The following SLC41A2 variants were observed in gnomAD, a reference collection of about 807,000 sequenced individuals.
The protein encoded by SLC41A2 is solute carrier family 41 member 2, also known as SLC41A1-like 1.
A neutral mutation model predicts 58.3 loss-of-function variants in SLC41A2; 32 were observed. The ratio of observed to expected loss-of-function variants is 0.55; its 90% confidence interval spans 0.41 to 0.74. SLC41A2 has a LOEUF of 0.74. Among genes scored for constraint, SLC41A2 ranks in the 30% least tolerant of loss-of-function variants. SLC41A2 has a pLI of 0.00. For missense variants in SLC41A2, 514 were observed against 680.6 expected, an observed-to-expected ratio of 0.76 and a Z score of 2.72; for synonymous variants, 190 against 235.0, an observed-to-expected ratio of 0.81 and a Z score of 1.75.
At chr12:104,903,602 C>T (rs2045665088) in intron 3 of SLC41A2, among the ~76,000 whole-genome samples, 1 of 152,216 alleles carries the variant, frequency 6.6e-6, no homozygotes, top group African/African-American at 2.4e-5. Flanking sequence ...CAGAAGAGCA[C>T]ACTTTGAGAA....
rs184703702 is a variant in SLC41A2, at chr12:104,954,106, C to T, written c.-168+3982G>A. On this transcript the variant is annotated intron_variant, in intron 1 of 10. Coordinates refer to ENST00000258538, the MANE Select transcript of SLC41A2 (RefSeq NM_001352171.3). ...CTATCTAAAGCTTTCCATTTTTTAA[C>T]ATCCTCACTTTTAGAAGTAGGGCAA... is the stretch of plus-strand genomic sequence containing the variant. Among the ~76,000 whole-genome samples the T allele has an allele frequency of 1.5e-3, 227 of 152,226 alleles. 1 individual carries two copies. The highest frequency in any genetic ancestry group is 5.0e-3 in the African/African-American group (208 of 41,546).
In SLC41A2 at chr12:104,919,497, TAA is replaced by T. The variant is rs1285723896; in HGVS notation, c.555+8474_555+8475del. ...TGCATGATATCCTTTCTCTACATGCTAACTCCATCCAGTGTTGTCACTATGTT... is the reference window on the plus strand; with the variant it reads ...TGCATGATATCCTTTCTCTACATGCTCTCCATCCAGTGTTGTCACTATGTT... On this transcript the variant is annotated intron_variant, in intron 2 of 10. Transcript: ENST00000258538. 2.0e-5 allele frequency among the ~76,000 whole-genome samples: 3 copies of T among 152,236 alleles called. No homozygotes were observed. In the East Asian group the frequency reaches 5.8e-4, roughly 29 times the overall value.
chr12:104,813,728 C>T (rs942172378), intron 10 of SLC41A2, among the ~76,000 whole-genome samples: 1 of 152,100 alleles, frequency 6.6e-6, no homozygotes, highest in Non-Finnish European at 1.5e-5. Context: ...CTCTGTTTCC[C>T]AGGTTCAAGT....
intron 8 of SLC41A2, 111 bp downstream of exon 8, chr12:104,861,180 G>T: frequency 3.0e-6 from 2 of 657,020 alleles, no homozygotes; most frequent in Non-Finnish European, 5.0e-6. Context: ...AGAATGGTTG[G>T]GATGGGAGGA....
intron 6 of SLC41A2, among the ~76,000 whole-genome samples, chr12:104,876,607 G>A (rs576155062): frequency 6.6e-6 from 1 of 151,874 alleles, no homozygotes; most frequent in Non-Finnish European, 1.5e-5. Context: ...TCATACCACT[G>A]TGATCATCAA....
intron 8 of SLC41A2, among the ~76,000 whole-genome samples, chr12:104,859,977 G>T (rs2043148233): frequency 6.6e-6 from 1 of 152,038 alleles, no homozygotes. Flanking sequence ...TCATGAGCTT[G>T]AACGATCCAC....
At chr12:104,871,281 A>G (rs1331920556) in intron 6 of SLC41A2, among the ~76,000 whole-genome samples, 1 of 152,228 alleles carries the variant, frequency 6.6e-6, no homozygotes, top group Non-Finnish European at 1.5e-5. Flanking sequence ...TAAATATGTG[A>G]AAAAGAATTT....
rs2046931640 is a variant in SLC41A2 at position 104,928,387 on chromosome 12, T to C, written c.141A>G (p.Pro47=). The C allele has an allele frequency of 6.3e-7, 1 of 1,581,872 alleles. No homozygotes were observed. Among genetic ancestry groups the C allele is most frequent in the South Asian group, 1.1e-5 (1 of 88,006 alleles). The part of the protein sequence containing the change: ...KFLNLLLSMV[P]VIYQKNQEDR... The stretch of plus-strand genomic sequence containing the variant: ...CTTCTTGGTTTTTCTGGTAAATCAC[T>C]GGAACCATACTCAAGAGTAAATTTA... Residue 47 remains proline, a synonymous_variant, in exon 2 of 11, where the codon CCA becomes CCG. Coordinates refer to ENST00000258538, the MANE Select transcript of SLC41A2 (RefSeq NM_001352171.3).
At chr12:104,947,545 T>C (rs996361372) in intron 1 of SLC41A2, among the ~76,000 whole-genome samples, 4 of 152,122 alleles carry the variant, frequency 2.6e-5, no homozygotes, top group African/African-American at 7.2e-5. Flanking sequence ...TAATTTTCTA[T>C]TTAAAAAATC....
intron 2 of SLC41A2, among the ~76,000 whole-genome samples, chr12:104,917,682 G>A (rs934715352): frequency 6.6e-6 from 1 of 151,600 alleles, no homozygotes; most frequent in Non-Finnish European, 1.5e-5. Flanking sequence ...GTAGGGACAT[G>A]GATGAAACTG....
At chr12:104,904,280 CAG>C (rs2045702767) in intron 3 of SLC41A2, among the ~76,000 whole-genome samples, 1 of 152,180 alleles carries the variant, frequency 6.6e-6, no homozygotes, top group Admixed American at 6.5e-5. Flanking sequence ...CTATGTTTAT[CAG>C]AGCAAAGTTC....
chr12:104,859,724 A>G (rs1156567016), intron 8 of SLC41A2, among the ~76,000 whole-genome samples: 1 of 152,124 alleles, frequency 6.6e-6, no homozygotes, highest in Non-Finnish European at 1.5e-5. Context: ...TATATTTTTT[A>G]CATATATACA....
chr12:104,826,184 T>C (rs1031418992), intron 10 of SLC41A2, among the ~76,000 whole-genome samples: 2 of 152,126 alleles, frequency 1.3e-5, no homozygotes, highest in African/African-American at 2.4e-5. Context: ...TCCTGAACCA[T>C]TGGGACTGCT....
At chr12:104,828,943 C>T (rs897906869) in intron 10 of SLC41A2, among the ~76,000 whole-genome samples, 5 of 151,948 alleles carry the variant, frequency 3.3e-5, no homozygotes, top group African/African-American at 1.2e-4. Context: ...TTATGATCAC[C>T]ATGATACTAC....
chr12:104,813,829 C>T (rs2468091), intron 10 of SLC41A2, among the ~76,000 whole-genome samples: 87,928 of 151,760 alleles, frequency 0.58, 25,893 homozygotes, highest in African/African-American at 0.66. Flanking sequence ...AGACATGGGG[C>T]TTCACCATGT....
intron 10 of SLC41A2, among the ~76,000 whole-genome samples, chr12:104,824,851 T>C (rs930616009): frequency 6.6e-6 from 1 of 152,118 alleles, no homozygotes; most frequent in South Asian, 2.1e-4. Context: ...AAATTTTACC[T>C]TTTCAACTGG....
At chr12:104,901,347 CACT>C (rs1375643479) in intron 3 of SLC41A2, among the ~76,000 whole-genome samples, 1 of 151,994 alleles carries the variant, frequency 6.6e-6, no homozygotes, top group Non-Finnish European at 1.5e-5. Flanking sequence ...TCCAATTATA[CACT>C]ACTATTACAT....
chr12:104,948,993 A>C (rs891320156), intron 1 of SLC41A2, among the ~76,000 whole-genome samples: 2 of 152,120 alleles, frequency 1.3e-5, no homozygotes, highest in African/African-American at 4.8e-5. Flanking sequence ...AGGTAGGTGG[A>C]TCACCTGAGG....
At chr12:104,936,923 A>G (rs922786064) in intron 1 of SLC41A2, among the ~76,000 whole-genome samples, 1 of 152,230 alleles carries the variant, frequency 6.6e-6, no homozygotes, top group Non-Finnish European at 1.5e-5. Flanking sequence ...ACAAAAGTCA[A>G]TATTTTTAAT....
Sources: gnomAD v4.1 joint callset for allele counts (sites outside exome capture counted in the v4.1 genomes callset) on GRCh38, gnomAD v4.1.1 for gene constraint, MANE v1.5 for transcripts, NCBI Gene and HGNC (gene_info 2026-07-23, HGNC 2026-07-21) for gene names.